HPSE2: variants seen among roughly 807,000 people sequenced by gnomAD.
The protein encoded by HPSE2 is heparanase 2 (inactive).
HPSE2 carries 38 observed loss-of-function variants against 60.5 expected under a neutral mutation model. The observed-to-expected ratio is 0.63, with a 90% CI of 0.48 to 0.82. The LOEUF (loss-of-function observed/expected upper bound fraction) is 0.82. Among genes scored for constraint, HPSE2 ranks in the 40% least tolerant of loss-of-function variants. The pLI is 0.00. For synonymous variants in HPSE2, 295 were observed against 293.2 expected, an observed-to-expected ratio of 1.01 and a Z score of -0.06; for missense variants, 713 against 740.4, an observed-to-expected ratio of 0.96 and a Z score of 0.43.
chr10:98,974,975 T>C (rs1956051977), intron 3 of HPSE2, among the ~76,000 whole-genome samples: 1 of 152,256 alleles, frequency 6.6e-6, no homozygotes, highest in South Asian at 2.1e-4. Flanking sequence ...TTTGTTATTC[T>C]AGTATTCAAT....
At chr10:98,636,653 GAAGGAAGA>G (rs1482332145) in intron 7 of HPSE2, among the ~76,000 whole-genome samples, 1 of 152,158 alleles carries the variant, frequency 6.6e-6, no homozygotes, top group Admixed American at 6.5e-5. Context: ...TAGGAAAAAG[GAAGGAAGA>G]AAGGAAGAAA....
chr10:99,168,004 A>G (rs1327677198), intron 2 of HPSE2, among the ~76,000 whole-genome samples: 1 of 151,390 alleles, frequency 6.6e-6, no homozygotes, highest in East Asian at 1.9e-4. Context: ...TTACTCTTCC[A>G]GTTTGCTGAG....
chr10:98,980,760 T>A (rs527930441), intron 3 of HPSE2, among the ~76,000 whole-genome samples: 2 of 152,308 alleles, frequency 1.3e-5, no homozygotes, highest in East Asian at 3.9e-4. Context: ...TCAGGCCATA[T>A]TTAGTTCGAT....
At chr10:99,031,929 T>G (rs1441549309) in intron 3 of HPSE2, among the ~76,000 whole-genome samples, 1 of 152,208 alleles carries the variant, frequency 6.6e-6, no homozygotes, top group Non-Finnish European at 1.5e-5. Flanking sequence ...CTATTAGGGA[T>G]TTTTGTTCCT....
intron 3 of HPSE2, among the ~76,000 whole-genome samples, chr10:98,903,277 T>C (rs543353071): frequency 7.2e-5 from 11 of 151,916 alleles, no homozygotes; most frequent in African/African-American, 2.4e-4. Flanking sequence ...GGAGTGGGGA[T>C]TTGGGGAGTG....
the HPSE2 span, among the ~76,000 whole-genome samples, chr10:99,315,642 A>G: frequency 1.3e-5 from 2 of 152,226 alleles, no homozygotes; most frequent in Non-Finnish European, 2.9e-5. Flanking sequence ...ATTCACAGCC[A>G]GCGATGTGGT....
intron 3 of HPSE2, among the ~76,000 whole-genome samples, chr10:98,774,552 T>C (rs1950302022): frequency 6.6e-6 from 1 of 152,150 alleles, no homozygotes; most frequent in Non-Finnish European, 1.5e-5. Flanking sequence ...GGGGTTCCTA[T>C]TCATCCCAAC....
intron 3 of HPSE2, chr10:99,013,844 A>G (rs1957072629): frequency 3.1e-6 from 1 of 319,128 alleles, no homozygotes; most frequent in Non-Finnish European, 6.5e-6. Context: ...TCATTCACAG[A>G]AAACTGTTAA....
chr10:99,055,929 G>A (rs1227290228), intron 3 of HPSE2, among the ~76,000 whole-genome samples: 1 of 151,796 alleles, frequency 6.6e-6, no homozygotes, highest in Non-Finnish European at 1.5e-5. Context: ...GAGAAGGAAG[G>A]GCAAATTAAA....
intron 3 of HPSE2, among the ~76,000 whole-genome samples, chr10:98,862,785 T>C (rs1049630255): frequency 1.3e-5 from 2 of 152,158 alleles, no homozygotes; most frequent in Non-Finnish European, 2.9e-5. Context: ...TTTGTAAAGA[T>C]AGGGTCTTGC....
intron 3 of HPSE2, among the ~76,000 whole-genome samples, chr10:98,803,996 A>G (rs978921742): frequency 8.6e-5 from 13 of 151,424 alleles, no homozygotes; most frequent in African/African-American, 3.2e-4. Flanking sequence ...CTTTTATTTC[A>G]TTGAGCAGTG....
At chr10:98,600,919 A>G (rs202191202) in intron 9 of HPSE2, among the ~76,000 whole-genome samples, 6,319 of 35,830 alleles carry the variant, frequency 0.18, 399 homozygotes, top group Non-Finnish European at 0.35. Flanking sequence ...GTGTATATAT[A>G]TATATATATA....
chr10:98,513,155 G>GT (rs1308321831), intron 9 of HPSE2, among the ~76,000 whole-genome samples: 2 of 152,170 alleles, frequency 1.3e-5, no homozygotes, highest in African/African-American at 2.4e-5. Context: ...ATAAACGGTT[G>GT]TAACTATGAG....
chr10:99,243,693 T>G, the HPSE2 span, among the ~76,000 whole-genome samples: 1 of 152,180 alleles, frequency 6.6e-6, no homozygotes, highest in Non-Finnish European at 1.5e-5. Flanking sequence ...CCCAGCATTT[T>G]GGGAGGTTGA....
chr10:98,972,507 T>C (rs1480498941), intron 3 of HPSE2, among the ~76,000 whole-genome samples: 1 of 152,174 alleles, frequency 6.6e-6, no homozygotes, highest in Admixed American at 6.5e-5. Context: ...CTATTAACTT[T>C]ATAGACTTAT....
chr10:99,007,512 T>C (rs1050817309), intron 3 of HPSE2, among the ~76,000 whole-genome samples: 4 of 152,226 alleles, frequency 2.6e-5, no homozygotes, highest in Non-Finnish European at 2.9e-5. Flanking sequence ...CTGTTGCTGA[T>C]GTAAAGGAAT....
intron 9 of HPSE2, among the ~76,000 whole-genome samples, chr10:98,526,841 G>A (rs1182516996): frequency 6.6e-6 from 1 of 152,030 alleles, no homozygotes; most frequent in Non-Finnish European, 1.5e-5. Flanking sequence ...TAAATTTCTG[G>A]GGCATAGCAC....
chr10:98,762,409 G>C (rs1211409612), intron 3 of HPSE2, among the ~76,000 whole-genome samples: 1 of 152,038 alleles, frequency 6.6e-6, no homozygotes, highest in Non-Finnish European at 1.5e-5. Context: ...AAAATGTTCG[G>C]GGCTGGAGGA....
At chr10:98,979,707 G>A (rs1218724697) in intron 3 of HPSE2, among the ~76,000 whole-genome samples, 2 of 152,130 alleles carry the variant, frequency 1.3e-5, no homozygotes, top group Non-Finnish European at 2.9e-5. Flanking sequence ...AGTGTTTGCT[G>A]CAACTTTATA....
Sources: allele counts gnomAD v4.1 joint callset (sites outside exome capture counted in the v4.1 genomes callset), GRCh38; gene constraint gnomAD v4.1.1; transcripts MANE v1.5; gene names NCBI Gene and HGNC (gene_info 2026-07-23, HGNC 2026-07-21).